The following FSTL5 variants were observed in gnomAD, a reference collection of about 807,000 sequenced individuals.
FSTL5 encodes the protein follistatin-related protein 5.
In FSTL5, 62 loss-of-function variants were observed where a neutral mutation model predicts 89.1. That is an observed-to-expected ratio of 0.70 (90% CI 0.57 to 0.86). The LOEUF (loss-of-function observed/expected upper bound fraction) is 0.86, where lower values mean the gene tolerates loss of function less well. Among genes scored for constraint, FSTL5 ranks in the 40% least tolerant of loss-of-function variants. The pLI is 0.00. For missense variants in FSTL5, 1,057 were observed against 1,001.6 expected, an observed-to-expected ratio of 1.06 and a Z score of -0.75; for synonymous variants, 383 against 346.2, an observed-to-expected ratio of 1.11 and a Z score of -1.18.
rs186728552 is a variant in FSTL5 at position 161,754,322 on chromosome 4, G to A, written c.727+5089C>T. Among the ~76,000 whole-genome samples the A allele has an allele frequency of 1.2e-3, 178 of 152,002 alleles. 2 individuals are homozygous for A. Among genetic ancestry groups the A allele is most frequent in the African/African-American group, 3.7e-3 (153 of 41,468 alleles). On this transcript the variant is annotated intron_variant, in intron 6 of 15. Transcript: ENST00000306100. ...ATATAAAGATCATGTTGAATTAATA[G>A]AAATTTTTAAAAGTGTGACATTAGA... is the stretch of plus-strand genomic sequence containing the variant.
chr4:161,872,234 G>C (rs1257054065), intron 4 of FSTL5, among the ~76,000 whole-genome samples: 1 of 140,992 alleles, frequency 7.1e-6, no homozygotes, highest in Non-Finnish European at 1.5e-5. Context: ...CCTCCCAAAA[G>C]TACTGGGATT....
intron 4 of FSTL5, among the ~76,000 whole-genome samples, chr4:161,854,494 C>T (rs1255256218): frequency 1.3e-5 from 2 of 152,102 alleles, no homozygotes; most frequent in Non-Finnish European, 2.9e-5. Context: ...TATATCTTCA[C>T]CAGCCTAAGA....
At chr4:161,388,655 A>G (rs1242404018) in intron 15 of FSTL5, among the ~76,000 whole-genome samples, 2 of 152,110 alleles carry the variant, frequency 1.3e-5, no homozygotes, top group African/African-American at 4.8e-5. Context: ...TTATGTTGAA[A>G]AATATCCTTC....
intron 4 of FSTL5, among the ~76,000 whole-genome samples, chr4:161,884,595 T>G (rs1472233324): frequency 6.6e-6 from 1 of 152,206 alleles, no homozygotes; most frequent in Admixed American, 6.5e-5. Context: ...AGGTAGAAAT[T>G]GAAACTAAAA....
intron 8 of FSTL5, among the ~76,000 whole-genome samples, chr4:161,561,925 G>C (rs992622616): frequency 6.6e-6 from 1 of 151,988 alleles, no homozygotes; most frequent in Non-Finnish European, 1.5e-5. Flanking sequence ...ACGTGTTGTA[G>C]GTGTGGAACA....
intron 4 of FSTL5, among the ~76,000 whole-genome samples, chr4:161,823,636 C>T (rs1048206944): frequency 6.6e-6 from 1 of 152,164 alleles, no homozygotes; most frequent in Admixed American, 6.5e-5. Context: ...TGTGTGGCTG[C>T]AACTGTGCTG....
At chr4:161,656,620 A>C in intron 6 of FSTL5, 126 bp from the exon 7 acceptor site, 3 of 515,444 alleles carry the variant, frequency 5.8e-6, no homozygotes, top group Non-Finnish European at 9.3e-6. Flanking sequence ...CTTGTGATGA[A>C]ATGAAAAAAG....
intron 10 of FSTL5, among the ~76,000 whole-genome samples, chr4:161,534,954 CA>C (rs967117538): frequency 5.3e-5 from 8 of 151,736 alleles, no homozygotes; most frequent in African/African-American, 1.9e-4. Context: ...ACAAAATAGA[CA>C]AAAAAAGCAA....
chr4:161,792,624 G>A (rs1172844580), intron 4 of FSTL5, among the ~76,000 whole-genome samples: 1 of 152,084 alleles, frequency 6.6e-6, no homozygotes, highest in Non-Finnish European at 1.5e-5. Flanking sequence ...GAAGATGAAG[G>A]GAGGCCGGCC....
chr4:161,639,511 TA>T (rs1375774120), intron 7 of FSTL5, among the ~76,000 whole-genome samples: 1 of 152,180 alleles, frequency 6.6e-6, no homozygotes, highest in African/African-American at 2.4e-5. Context: ...ATTACACAGT[TA>T]AAAATCAATT....
chr4:161,606,313 G>A (rs1365995465), intron 7 of FSTL5, among the ~76,000 whole-genome samples: 1 of 142,734 alleles, frequency 7.0e-6, no homozygotes, highest in Non-Finnish European at 1.5e-5. Flanking sequence ...GCGCGATCCC[G>A]GCTCACTGCA....
intron 4 of FSTL5, among the ~76,000 whole-genome samples, chr4:161,839,762 T>C (rs1362278457): frequency 6.6e-6 from 1 of 152,182 alleles, no homozygotes; most frequent in East Asian, 1.9e-4. Context: ...GTGATAGTCA[T>C]ACTCTATATC....
At chr4:161,751,966 CAAT>C (rs1183569910) in intron 6 of FSTL5, among the ~76,000 whole-genome samples, 1 of 152,032 alleles carries the variant, frequency 6.6e-6, no homozygotes, top group African/African-American at 2.4e-5. Context: ...TTATATAACA[CAAT>C]GATTCCCAAA....
intron 1 of FSTL5, among the ~76,000 whole-genome samples, chr4:162,136,512 G>A (rs1244517456): frequency 6.6e-6 from 1 of 151,974 alleles, no homozygotes; most frequent in East Asian, 1.9e-4. Flanking sequence ...TAGAGATGGG[G>A]ACTTGGTTGG....
Position 161,481,177 on chromosome 4 carries a change from T to C in FSTL5, c.1459-8A>G. On this transcript the variant is annotated splice_polypyrimidine_tract_variant and splice_region_variant and intron_variant, in intron 12 of 15. Transcript: ENST00000306100. ...TTTGGGACAGACTTCATCCTGTAAT[T>C]TAGGAAAGAGAAAATGAAATTTATA... 1 of 1,588,812 alleles carries C rather than the reference T, an allele frequency of 6.3e-7. No homozygotes were observed. Among genetic ancestry groups the C allele is most frequent in the Non-Finnish European group, 8.6e-7 (1 of 1,168,732 alleles).
rs138933158 is a variant in FSTL5, at chr4:162,139,830, T to A, written c.-17+23785A>T. ...AATTATATTGTGACAAAAATAAGAA[T>A]GTCACTACATCAAAGGATGCCATGA... On this transcript the variant is annotated intron_variant, in intron 1 of 15. Transcript: ENST00000306100. Among the ~76,000 whole-genome samples the A allele has an allele frequency of 3.4e-3, 519 of 152,192 alleles. 17 individuals are homozygous for A. In the East Asian group the frequency reaches 0.049, roughly 14 times the overall value.
chr4:162,011,894 C>A (rs570354506), intron 3 of FSTL5, among the ~76,000 whole-genome samples: 1 of 152,154 alleles, frequency 6.6e-6, no homozygotes, highest in Admixed American at 6.6e-5. Flanking sequence ...CTTCCTAAAA[C>A]CTGCTATTTA....
intron 3 of FSTL5, among the ~76,000 whole-genome samples, chr4:161,934,817 T>C (rs1365734980): frequency 6.6e-6 from 1 of 152,114 alleles, no homozygotes; most frequent in Non-Finnish European, 1.5e-5. Flanking sequence ...ATCATTAACA[T>C]CAATATCATG....
intron 4 of FSTL5, among the ~76,000 whole-genome samples, chr4:161,776,655 T>G (rs934565964): frequency 6.6e-6 from 1 of 151,718 alleles, no homozygotes; most frequent in Non-Finnish European, 1.5e-5. Flanking sequence ...CATTCACACA[T>G]ATATATTTAC....
Sources: allele counts gnomAD v4.1 joint callset (sites outside exome capture counted in the v4.1 genomes callset), GRCh38; gene constraint gnomAD v4.1.1; transcripts MANE v1.5; gene names NCBI Gene and HGNC (gene_info 2026-07-23, HGNC 2026-07-21).